The following LIAS variants were observed in gnomAD, a reference collection of about 807,000 sequenced individuals.
LIAS encodes lipoyl synthase, mitochondrial.
Under a neutral mutation model 49.4 loss-of-function variants are expected in LIAS, and 36 were observed. The ratio of observed to expected loss-of-function variants is 0.73; its 90% CI spans 0.56 to 0.96. The LOEUF (loss-of-function observed/expected upper bound fraction) is 0.96. Among genes scored for constraint, LIAS ranks in the 40% least tolerant of loss-of-function variants. LIAS has a pLI of 0.00. For synonymous variants in LIAS, 145 were observed against 155.8 expected, an observed-to-expected ratio of 0.93 and a Z score of 0.52; for missense variants, 399 against 456.3, an observed-to-expected ratio of 0.87 and a Z score of 1.14.
At position 39,463,097 on chromosome 4, in the gene LIAS, G is replaced by A. The variant is rs569144186; in HGVS notation, c.313-428G>A. Among the ~76,000 whole-genome samples the A allele has an allele frequency of 2.5e-4, 37 of 148,942 alleles. No individual in the cohort carries two copies. In the East Asian group the frequency reaches 2.9e-3, roughly 12 times the overall value. The stretch of plus-strand genomic sequence containing the variant: ...TAATATAGAGTTGGGCAGTTTAACA[G>A]CCTTTTTTTTTTTTTTTTGAAGACA... On this transcript the variant is annotated intron_variant, in intron 3 of 10. Coordinates refer to ENST00000640888, the MANE Select transcript of LIAS (RefSeq NM_006859.4).
chr4:39,470,209 T>A, intron 8 of LIAS, 45 bp downstream of exon 8: 1 of 1,541,198 alleles, frequency 6.5e-7, no homozygotes, highest in Non-Finnish European at 8.9e-7. Context: ...GTAATTTGAG[T>A]AATAGCAGGA....
rs548778825 is a variant in LIAS, at chr4:39,478,230, G to A, written c.*1115G>A. The A allele has an allele frequency of 2.6e-4, 40 of 152,316 alleles. No individual in the cohort carries two copies. Among genetic ancestry groups the A allele is most frequent in the African/African-American group, 8.9e-4 (37 of 41,558 alleles). 9.4% of individuals were successfully genotyped at this position (152,316 alleles called of 1,614,324 possible). A position where few individuals can be genotyped will look rare whatever the true frequency, so the allele number is the denominator to read the frequency against. ...GCTTAAGAGTGAATGTTGGCCAGATGTGGTGGCTCATGCCTGTAATTCCAG... is the reference window on the plus strand; with the variant it reads ...GCTTAAGAGTGAATGTTGGCCAGATATGGTGGCTCATGCCTGTAATTCCAG... On this transcript the variant is annotated 3_prime_UTR_variant, in exon 11 of 11. Transcript: ENST00000640888.
intron 7 of LIAS, 90 bp downstream of exon 7, chr4:39,467,736 T>C (rs1744815624): frequency 2.4e-6 from 3 of 1,259,698 alleles, no homozygotes; most frequent in Non-Finnish European, 3.1e-6. Flanking sequence ...ACTTTGCCAT[T>C]GACTTTTACA....
intron 7 of LIAS, chr4:39,468,528 T>A (rs1260999442): frequency 8.3e-5 from 12 of 144,764 alleles, no homozygotes; most frequent in Non-Finnish European, 1.5e-4. Flanking sequence ...TATATTTTTT[T>A]ATATTATATA....
chr4:39,460,201 T>C (rs1744394277), intron 1 of LIAS, among the ~76,000 whole-genome samples: 1 of 152,140 alleles, frequency 6.6e-6, no homozygotes. Context: ...TAGTTCCTGG[T>C]AGGTGGAGTA....
intron 10 of LIAS, among the ~76,000 whole-genome samples, chr4:39,474,445 TA>T (rs775863569): frequency 6.7e-6 from 1 of 150,058 alleles, no homozygotes; most frequent in Non-Finnish European, 1.5e-5. Flanking sequence ...AAAAATAAAA[TA>T]AAAAAAAGAA....
chr4:39,461,897 ATTGG>A (rs1338302100), intron 2 of LIAS, among the ~76,000 whole-genome samples: 1 of 152,030 alleles, frequency 6.6e-6, no homozygotes. Context: ...GCTTCACCAT[ATTGG>A]CCAAACTAGT....
chr4:39,462,096 A>T (rs968048398), intron 2 of LIAS, 100 bp from the exon 3 acceptor site: 1 of 465,612 alleles, frequency 2.1e-6, no homozygotes, highest in Non-Finnish European at 3.8e-6. Flanking sequence ...TATAGAAAAA[A>T]TTATTAACTA....
chr4:39,469,343 A>C (rs563007343), intron 7 of LIAS: 1 of 152,368 alleles, frequency 6.6e-6, no homozygotes, highest in South Asian at 2.1e-4. Context: ...ACAATTACAG[A>C]AAATAAAGCT....
intron 7 of LIAS, chr4:39,468,515 A>AT (rs1218944677): frequency 2.1e-5 from 3 of 142,836 alleles, no homozygotes; most frequent in East Asian, 4.5e-4. Context: ...ATATATATAT[A>AT]TATATATTTT....
intron 4 of LIAS, 97 bp downstream of exon 4, chr4:39,463,702 A>G: frequency 7.0e-7 from 1 of 1,424,616 alleles, no homozygotes; most frequent in Non-Finnish European, 9.3e-7. Context: ...ATCTCTGGTC[A>G]GATTTTTCAT....
chr4:39,472,120 C>T (rs1745012548), intron 9 of LIAS, among the ~76,000 whole-genome samples: 2 of 133,808 alleles, frequency 1.5e-5, no homozygotes, highest in Admixed American at 1.5e-4. Flanking sequence ...TACACACACA[C>T]ATATACACAC....
chr4:39,476,933 AAG>A, intron 10 of LIAS, 128 bp from the exon 11 acceptor site: 1 of 622,140 alleles, frequency 1.6e-6, no homozygotes, highest in Non-Finnish European at 2.8e-6. Flanking sequence ...GAGGTTTGAG[AAG>A]AGAGAAGTGC....
At chr4:39,462,412 C>T (rs1744553286) in intron 3 of LIAS, 123 bp downstream of exon 3, 1 of 325,894 alleles carries the variant, frequency 3.1e-6, no homozygotes, top group Non-Finnish European at 5.7e-6. Flanking sequence ...TTAAGTGATA[C>T]ATTACTACCA....
At chr4:39,463,640 A>G in intron 4 of LIAS, 35 bp downstream of exon 4, 3 of 1,589,836 alleles carry the variant, frequency 1.9e-6, no homozygotes, top group Non-Finnish European at 2.6e-6. Context: ...GCTTTAGTCT[A>G]GAAACTGAAA....
At chr4:39,476,230 A>G (rs1397036283) in intron 10 of LIAS, 2 of 152,252 alleles carry the variant, frequency 1.3e-5, no homozygotes, top group Non-Finnish European at 2.9e-5. Flanking sequence ...GCATTAGACT[A>G]AAATGATGGA....
At chr4:39,465,240 C>A in intron 5 of LIAS, 38 bp downstream of exon 5, 1 of 1,612,420 alleles carries the variant, frequency 6.2e-7, no homozygotes, top group South Asian at 1.1e-5. Context: ...GAAACTGGCT[C>A]TAAATGATGA....
chr4:39,473,374 G>A (rs1385947777), intron 10 of LIAS, 163 bp downstream of exon 10: 2 of 464,548 alleles, frequency 4.3e-6, no homozygotes, highest in South Asian at 4.8e-5. Context: ...TGCTCCATGG[G>A]GATCATATTA....
chr4:39,479,068 G>A lies in LIAS; in HGVS notation c.*1953G>A, dbSNP rs1472544640. 1 of 152,214 alleles carries A rather than the reference G, an allele frequency of 6.6e-6. No homozygotes were observed. Among genetic ancestry groups the A allele is most frequent in the Non-Finnish European group, 1.5e-5 (1 of 68,056 alleles). 9.4% of individuals were successfully genotyped at this position (152,214 alleles called of 1,614,324 possible). ...TACCAAAAATACAAAAAATTAGCTGGGTGTGGTGGCACATGCTTGTAATCT... is the reference window on the plus strand; with the variant it reads ...TACCAAAAATACAAAAAATTAGCTGAGTGTGGTGGCACATGCTTGTAATCT... On this transcript the variant is annotated 3_prime_UTR_variant, in exon 11 of 11. Transcript: ENST00000640888.
Sources: allele counts gnomAD v4.1 joint callset (sites outside exome capture counted in the v4.1 genomes callset), GRCh38; gene constraint gnomAD v4.1.1; transcripts MANE v1.5; gene names NCBI Gene and HGNC (gene_info 2026-07-23, HGNC 2026-07-21).